Variants in BCAP29 observed in about 807,000 individuals in gnomAD.
BCAP29 encodes B cell receptor associated protein 29.
Under a neutral mutation model 31.8 loss-of-function variants are expected in BCAP29, and 34 were observed. The observed-to-expected ratio is 1.07, with a 90% CI of 0.81 to 1.42. The LOEUF is 1.42. BCAP29 is among the 40% of genes most tolerant of loss of function. BCAP29 has a pLI of 0.00. For synonymous variants in BCAP29, 104 were observed against 91.3 expected, an observed-to-expected ratio of 1.14 and a Z score of -0.79; for missense variants, 314 against 269.2, an observed-to-expected ratio of 1.17 and a Z score of -1.16.
At chr7:107,622,091 G>A (rs998489848), downstream of BCAP29, 7 of 419,738 alleles carry the variant, frequency 1.7e-5, no homozygotes, top group African/African-American at 2.1e-5. Flanking sequence ...TGCCATTGTC[G>A]TTGCCATTGC....
chr7:107,614,548 T>A (rs1813783846), intron 7 of BCAP29, among the ~76,000 whole-genome samples: 1 of 152,162 alleles, frequency 6.6e-6, no homozygotes, highest in Non-Finnish European at 1.5e-5. Context: ...ATCATCATCA[T>A]CTGTATTACT....
chr7:107,609,815 G>C (rs3779495), intron 6 of BCAP29, among the ~76,000 whole-genome samples: 16 of 152,234 alleles, frequency 1.1e-4, no homozygotes, highest in Non-Finnish European at 1.5e-4. Context: ...TGAATTCTCA[G>C]AAAGAGAACC....
chr7:107,589,626 G>T (rs1264723690), intron 3 of BCAP29, among the ~76,000 whole-genome samples: 1 of 152,246 alleles, frequency 6.6e-6, no homozygotes, highest in African/African-American at 2.4e-5. Flanking sequence ...ATTCCTGACA[G>T]GCCGTGGAGC....
rs749287171 is a variant in BCAP29 at position 107,584,031 on chromosome 7, AT to A, written c.193+52del. On this transcript the variant is annotated intron_variant, in intron 3 of 7. Coordinates refer to ENST00000005259, the MANE Select transcript of BCAP29 (RefSeq NM_018844.4). The stretch of plus-strand genomic sequence containing the variant: ...AATAAATATAACTTTTTTTAAATGA[AT>A]TTCTTTTTAATTAATAGAGTTGATG... 5.6e-6 allele frequency: 6 copies of A among 1,078,984 alleles called. No homozygotes were observed. The Admixed American group carries it at 1.6e-4, about 28-fold the overall frequency. The allele number at this position is 1,078,984 out of a possible 1,614,324, so 66.8% of individuals were successfully genotyped here.
chr7:107,594,116 AATAAT>A lies in BCAP29; in HGVS notation c.344+13_344+17del. 6.3e-7 allele frequency: 1 copy of A among 1,582,758 alleles called. No homozygotes were observed. The highest frequency in any genetic ancestry group is 8.7e-7 in the Non-Finnish European group (1 of 1,153,434). ...CCTATTTTTTTGGCTGTAAGTAAAAAATAATAATAGAAGCACAATTTAAAAACATG... is the reference window on the plus strand; with the variant it reads ...CCTATTTTTTTGGCTGTAAGTAAAAAAATAGAAGCACAATTTAAAAACATG... On this transcript the variant is annotated intron_variant, in intron 4 of 7. Transcript: ENST00000005259.
At chr7:107,582,730 CT>C (rs1806926447) in intron 2 of BCAP29, among the ~76,000 whole-genome samples, 1 of 152,180 alleles carries the variant, frequency 6.6e-6, no homozygotes, top group South Asian at 2.1e-4. Flanking sequence ...AGGTGCTCAA[CT>C]GCTAGTTGTT....
At position 107,596,016 on chromosome 7, in the gene BCAP29, T is replaced by C; in HGVS notation, c.480+14T>C. ...AAACTAAAAAGGGTATTTAATTTTC[T>C]TTGTAAAAATTAAATGTTGTTGGTG... On this transcript the variant is annotated intron_variant, in intron 5 of 7. Transcript: ENST00000005259. The C allele has an allele frequency of 6.4e-7, 1 of 1,552,830 alleles. No individual in the cohort carries two copies. The highest frequency in any genetic ancestry group is 2.3e-5 in the East Asian group (1 of 43,096).
chr7:107,597,865 C>A (rs1230510520), intron 5 of BCAP29, among the ~76,000 whole-genome samples: 1 of 152,176 alleles, frequency 6.6e-6, no homozygotes, highest in Admixed American at 6.6e-5. Context: ...TTATGAAAGA[C>A]CAATTAACTT....
chr7:107,616,727 AG>A (rs1814226190), intron 7 of BCAP29, among the ~76,000 whole-genome samples: 1 of 151,920 alleles, frequency 6.6e-6, no homozygotes, highest in Non-Finnish European at 1.5e-5. Flanking sequence ...TATCATTAAG[AG>A]CCCCATTTTG....
At chr7:107,583,861 T>C in intron 2 of BCAP29, 21 bp from the exon 3 acceptor site, 1 of 1,324,536 alleles carries the variant, frequency 7.5e-7, no homozygotes, top group Non-Finnish European at 1.0e-6. Flanking sequence ...TTATACCTAA[T>C]ATAATTGTAT....
chr7:107,614,839 G>A (rs192764605), intron 7 of BCAP29, among the ~76,000 whole-genome samples: 6 of 152,274 alleles, frequency 3.9e-5, no homozygotes, highest in South Asian at 2.1e-4. Context: ...CCCCTTCCCC[G>A]TCTCAAAAAT....
chr7:107,614,850 A>G (rs1349623422), intron 7 of BCAP29, among the ~76,000 whole-genome samples: 2 of 152,362 alleles, frequency 1.3e-5, no homozygotes, highest in East Asian at 3.9e-4. Flanking sequence ...TCTCAAAAAT[A>G]GAGACCCTAA....
intron 7 of BCAP29, chr7:107,615,121 G>A (rs963823536): frequency 2.3e-6 from 1 of 434,248 alleles, no homozygotes; most frequent in African/African-American, 2.1e-5. Context: ...GTCCATTGTT[G>A]AATGTCTCCA....
At chr7:107,596,914 C>T (rs1244125770) in intron 5 of BCAP29, among the ~76,000 whole-genome samples, 4 of 152,102 alleles carry the variant, frequency 2.6e-5, no homozygotes, top group South Asian at 2.1e-4. Context: ...CTTGACCCTG[C>T]GTGATTTATT....
intron 6 of BCAP29, among the ~76,000 whole-genome samples, chr7:107,610,482 A>G (rs915720892): frequency 6.6e-6 from 1 of 152,224 alleles, no homozygotes; most frequent in Non-Finnish European, 1.5e-5. Flanking sequence ...ATGCAGTTGC[A>G]AAAGGAGGTG....
At chr7:107,608,330 G>A (rs140834845) in intron 6 of BCAP29, among the ~76,000 whole-genome samples, 2 of 152,176 alleles carry the variant, frequency 1.3e-5, no homozygotes, top group Non-Finnish European at 2.9e-5. Flanking sequence ...GGACTCATAG[G>A]TATTTATTTT....
At chr7:107,615,316 T>C (rs1813909925) in intron 7 of BCAP29, 3 of 456,590 alleles carry the variant, frequency 6.6e-6, no homozygotes, top group Non-Finnish European at 1.3e-5. Flanking sequence ...GAGTGATTCC[T>C]GGCTGAGCGT....
chr7:107,592,638 C>T (rs1419199274), intron 3 of BCAP29, among the ~76,000 whole-genome samples: 1 of 152,166 alleles, frequency 6.6e-6, no homozygotes, highest in Admixed American at 6.5e-5. Flanking sequence ...CATGAATGTT[C>T]GTAGCAGCGT....
At chr7:107,590,269 T>A (rs1362595832) in intron 3 of BCAP29, among the ~76,000 whole-genome samples, 3 of 152,146 alleles carry the variant, frequency 2.0e-5, no homozygotes, top group African/African-American at 7.2e-5. Flanking sequence ...ACTCAGTTGT[T>A]TTTTAAAGAT....
Sources: allele counts gnomAD v4.1 joint callset (sites outside exome capture counted in the v4.1 genomes callset), GRCh38; gene constraint gnomAD v4.1.1; transcripts MANE v1.5; gene names NCBI Gene and HGNC (gene_info 2026-07-23, HGNC 2026-07-21).